TRIO: variants seen among roughly 807,000 people sequenced by gnomAD.
The protein encoded by TRIO is trio Rho guanine nucleotide exchange factor, also known as triple functional domain protein.
Under a neutral mutation model 351.9 loss-of-function variants are expected in TRIO, and 58 were observed. The ratio of observed to expected loss-of-function variants is 0.16; its 90% CI spans 0.13 to 0.21. The LOEUF (loss-of-function observed/expected upper bound fraction) is 0.21, where lower values mean the gene tolerates loss of function less well. Ranked by LOEUF, TRIO falls within the 10% of genes least tolerant of loss-of-function variation. The pLI, the probability that TRIO is intolerant of heterozygous loss-of-function variation, is 1.00. For synonymous variants in TRIO, 1,758 were observed against 1,595.7 expected (o/e 1.10, Z -2.42); for missense variants, 3,201 against 4,027.8 (o/e 0.79, Z 5.56).
intron 22 of TRIO, 49 bp from the exon 23 acceptor site, chr5:14,387,683 C>T (rs764039433): frequency 6.2e-7 from 1 of 1,609,942 alleles, no homozygotes; most frequent in Non-Finnish European, 8.5e-7. Flanking sequence ...TCCTAACGCC[C>T]TCTCTGCTGA....
rs756494506 is a variant in TRIO, at chr5:14,492,553, C to G, written c.7633-14C>G. 5.6e-6 allele frequency: 9 copies of G among 1,613,042 alleles called. No homozygotes were observed. In the African/African-American group the frequency reaches 1.2e-4, roughly 22 times the overall value. ...CCTCCCTGCCTTTCTCTGTCTTCAT[C>G]TGTCCCTCTGCAGAGTGAAAGCAGC... On this transcript the variant is annotated splice_polypyrimidine_tract_variant and intron_variant, in intron 48 of 56. Transcript: ENST00000344204.
At chr5:14,411,413 A>T (rs1490157151) in intron 33 of TRIO, among the ~76,000 whole-genome samples, 3 of 152,196 alleles carry the variant, frequency 2.0e-5, no homozygotes, top group Non-Finnish European at 4.4e-5. Flanking sequence ...GAGATGAGGT[A>T]TCCTGTGGAA....
At position 14,479,882 on chromosome 5, in the gene TRIO, C is replaced by T. The variant is rs32527; in HGVS notation, c.6244-37C>T. The T allele has an allele frequency of 8.9e-3, 14,252 of 1,595,824 alleles. 131 individuals carry two copies. Among genetic ancestry groups the T allele is most frequent in the Admixed American group, 0.044 (2,632 of 59,570 alleles). On this transcript the variant is annotated intron_variant, in intron 42 of 56. Coordinates refer to ENST00000344204, the MANE Select transcript of TRIO (RefSeq NM_007118.4). Reference sequence around the variant, plus strand: ...GACTAAAAAATTGCCCTTTAATGAACAGCCCATACGATCTTTTCTCTCTCT... The same window carrying T: ...GACTAAAAAATTGCCCTTTAATGAATAGCCCATACGATCTTTTCTCTCTCT...
chr5:14,224,371 C>T (rs1277782876), intron 1 of TRIO, among the ~76,000 whole-genome samples: 1 of 150,350 alleles, frequency 6.7e-6, no homozygotes, highest in Non-Finnish European at 1.5e-5. Flanking sequence ...TTAGGTTACT[C>T]TTGGAGTAAG....
intron 8 of TRIO, among the ~76,000 whole-genome samples, chr5:14,314,365 T>G (rs577517985): frequency 1.9e-4 from 29 of 152,358 alleles, no homozygotes; most frequent in African/African-American, 6.5e-4. Context: ...GTGAAAAAAT[T>G]AGATATTCAG....
chr5:14,291,788 TAAAAAAAAAAAAAAAAA>T (rs57424190), intron 5 of TRIO, among the ~76,000 whole-genome samples: 3 of 101,018 alleles, frequency 3.0e-5, no homozygotes, highest in Non-Finnish European at 5.6e-5. Context: ...GACTCCGTCT[TAAAAAAAAAAAAAAAAA>T]AAAAAAAAAA....
intron 3 of TRIO, among the ~76,000 whole-genome samples, chr5:14,281,768 A>G (rs571276388): frequency 1.8e-4 from 27 of 152,238 alleles, no homozygotes; most frequent in Admixed American, 4.6e-4. Context: ...GGTGTTTCCT[A>G]AGAGACTAAA....
chr5:14,479,834 G>A, intron 42 of TRIO, 85 bp from the exon 43 acceptor site: 1 of 1,209,838 alleles, frequency 8.3e-7, no homozygotes, highest in Admixed American at 1.9e-5. Context: ...TGCCAGTGTT[G>A]TAGTCTTTCT....
intron 7 of TRIO, among the ~76,000 whole-genome samples, chr5:14,298,360 T>C (rs887561442): frequency 1.3e-5 from 2 of 152,174 alleles, no homozygotes; most frequent in African/African-American, 4.8e-5. Context: ...TTTCAGGATG[T>C]GGAGAAAGGG....
chr5:14,463,563 A>T (rs1417303395), intron 36 of TRIO, among the ~76,000 whole-genome samples: 1 of 152,216 alleles, frequency 6.6e-6, no homozygotes, highest in Non-Finnish European at 1.5e-5. Context: ...GTAGAGCCCT[A>T]AAAAATAAAA....
chr5:14,369,574 C>T (rs1392114271), intron 18 of TRIO, 51 bp downstream of exon 18: 1 of 1,553,438 alleles, frequency 6.4e-7, no homozygotes, highest in South Asian at 1.2e-5. Flanking sequence ...TCCTGCCTGC[C>T]AGGTGCGCGT....
At chr5:14,496,839 T>C (rs771648439) in intron 49 of TRIO, 40 bp from the exon 50 acceptor site, 3 of 1,603,384 alleles carry the variant, frequency 1.9e-6, no homozygotes, top group Non-Finnish European at 2.6e-6. Context: ...TGGTGAATGT[T>C]GGAAAGGCAT....
rs1262033401 is a variant in TRIO at position 14,496,875 on chromosome 5, C to T, written c.7881-4C>T. On this transcript the variant is annotated splice_region_variant and splice_polypyrimidine_tract_variant and intron_variant, in intron 49 of 56. Transcript: ENST00000344204. ...AATACCCACAGTGTGTTCATTTCCCCTAGGAAGTCAACATCTTGGCACACA... is the reference window on the plus strand; with the variant it reads ...AATACCCACAGTGTGTTCATTTCCCTTAGGAAGTCAACATCTTGGCACACA... 2 of 1,613,842 alleles carry T rather than the reference C, an allele frequency of 1.2e-6. No individual in the cohort carries two copies. The highest frequency in any genetic ancestry group is 1.7e-6 in the Non-Finnish European group (2 of 1,179,864).
chr5:14,226,851 CAGA>C (rs1793073898), intron 1 of TRIO, among the ~76,000 whole-genome samples: 2 of 152,246 alleles, frequency 1.3e-5, no homozygotes, highest in Admixed American at 6.5e-5. Flanking sequence ...GCCGGGAAGT[CAGA>C]AGAAGGGGAG....
intron 35 of TRIO, among the ~76,000 whole-genome samples, chr5:14,462,099 AAGGCAGAG>A (rs1753865091): frequency 6.6e-6 from 1 of 152,224 alleles, no homozygotes; most frequent in African/African-American, 2.4e-5. Flanking sequence ...CGAAAAAGAA[AAGGCAGAG>A]AGTGGGGATG....
At chr5:14,238,388 A>G (rs573056329) in intron 1 of TRIO, among the ~76,000 whole-genome samples, 1 of 152,256 alleles carries the variant, frequency 6.6e-6, no homozygotes, top group Admixed American at 6.5e-5. Flanking sequence ...CCTGCATGGT[A>G]TGGTGTTAAG....
At position 14,378,157 on chromosome 5, in the gene TRIO, C is replaced by G. The variant is rs557836178; in HGVS notation, c.3447+30C>G. ...GTGCACACCTGGTGCCCAGCCTCCC[C>G]CTAAACTCCCGTGCTCACACCTGTC... On this transcript the variant is annotated intron_variant, in intron 20 of 56. Transcript: ENST00000344204. 8.5e-6 allele frequency: 13 copies of G among 1,537,276 alleles called. No homozygotes were observed. The African/African-American group carries it at 1.1e-4, about 13-fold the overall frequency.
chr5:14,175,960 G>A (rs1481563356), intron 1 of TRIO, among the ~76,000 whole-genome samples: 1 of 152,190 alleles, frequency 6.6e-6, no homozygotes, highest in African/African-American at 2.4e-5. Context: ...ATGCATTTGA[G>A]AATACCAAAT....
At chr5:14,259,850 T>C (rs1042575164) in intron 1 of TRIO, among the ~76,000 whole-genome samples, 1 of 152,100 alleles carries the variant, frequency 6.6e-6, no homozygotes, top group Non-Finnish European at 1.5e-5. Flanking sequence ...CTTAGACTGC[T>C]ACAAGGCTGT....
Sources: gnomAD v4.1 joint callset for allele counts (sites outside exome capture counted in the v4.1 genomes callset) on GRCh38, gnomAD v4.1.1 for gene constraint, MANE v1.5 for transcripts, NCBI Gene and HGNC (gene_info 2026-07-23, HGNC 2026-07-21) for gene names.